The following DOK6 variants were observed in gnomAD, a reference collection of about 807,000 sequenced individuals.
DOK6 encodes the protein docking protein 6.
A neutral mutation model predicts 44.0 loss-of-function variants in DOK6; 22 were observed. The observed-to-expected ratio is 0.50, with a 90% CI of 0.36 to 0.71. DOK6 has a LOEUF of 0.71. Ranked by LOEUF, DOK6 falls within the 30% of genes least tolerant of loss-of-function variation. The probability of loss-of-function intolerance (pLI) is 0.00; values close to 1 mark genes in which losing one functional copy is unlikely to be tolerated. For synonymous variants in DOK6, 166 were observed against 145.5 expected (o/e 1.14, Z -1.01); for missense variants, 340 against 416.4 (o/e 0.82, Z 1.60).
chr18:69,812,375 A>G lies in DOK6; in HGVS notation c.857-28869A>G, dbSNP rs143052637. Among the ~76,000 whole-genome samples the G allele has an allele frequency of 3.1e-3, 469 of 152,256 alleles. 6 individuals are homozygous for G. The highest frequency in any genetic ancestry group is 6.7e-3 in the Admixed American group (103 of 15,276). ...ACACCCTTTTCTGTGATAATAAATT[A>G]TATCATTTTTCATATATTTTTGAAA... On this transcript the variant is annotated intron_variant, in intron 7 of 7. Transcript: ENST00000382713.
chr18:69,667,285 A>G (rs1021174191), intron 3 of DOK6, among the ~76,000 whole-genome samples: 1 of 152,140 alleles, frequency 6.6e-6, no homozygotes, highest in Admixed American at 6.5e-5. Context: ...TGTGCCAGAT[A>G]TTTCTCTTCT....
intron 1 of DOK6, among the ~76,000 whole-genome samples, chr18:69,552,925 A>G (rs1982600946): frequency 6.6e-6 from 1 of 152,252 alleles, no homozygotes; most frequent in Non-Finnish European, 1.5e-5. Flanking sequence ...ATGATGTGCT[A>G]ATTTTAGAAG....
intron 1 of DOK6, among the ~76,000 whole-genome samples, chr18:69,485,894 T>G (rs998102214): frequency 6.6e-6 from 1 of 151,426 alleles, no homozygotes; most frequent in African/African-American, 2.4e-5. Context: ...TGTGTGTGTG[T>G]GTGTGTGTGT....
In DOK6 at chr18:69,677,723, G is replaced by A. The variant is rs1258319374; in HGVS notation, c.290-11G>A. 1.2e-6 allele frequency: 2 copies of A among 1,612,912 alleles called. No homozygotes were observed. Among genetic ancestry groups the A allele is most frequent in the East Asian group, 2.2e-5 (1 of 44,818 alleles). On this transcript the variant is annotated splice_polypyrimidine_tract_variant and intron_variant, in intron 3 of 7. Coordinates refer to ENST00000382713, the MANE Select transcript of DOK6 (RefSeq NM_152721.6). ...GCATTGCTTGACTGGTGATGTTGTG[G>A]TTACTTTCAGAGCTGGAGGCCGAGG...
At chr18:69,419,198 C>A (rs1387830662) in intron 1 of DOK6, among the ~76,000 whole-genome samples, 1 of 152,116 alleles carries the variant, frequency 6.6e-6, no homozygotes, top group Non-Finnish European at 1.5e-5. Flanking sequence ...AGATAAAGTT[C>A]AATGCCTTTT....
rs563981076 is a variant in DOK6, at chr18:69,623,260, A to G, written c.289+23762A>G. 5.9e-5 allele frequency among the ~76,000 whole-genome samples: 9 copies of G among 152,264 alleles called. No individual in the cohort carries two copies. In the South Asian group the frequency reaches 1.9e-3, roughly 32 times the overall value. On this transcript the variant is annotated intron_variant, in intron 3 of 7. Transcript: ENST00000382713. ...AGCTTGTGTAGCTCACAGAACCATG[A>G]GCTGATTAAACCTCTTTTCTTTACA...
intron 3 of DOK6, among the ~76,000 whole-genome samples, chr18:69,614,890 G>A (rs1303526228): frequency 5.3e-5 from 8 of 151,470 alleles, no homozygotes; most frequent in South Asian, 2.1e-4. Flanking sequence ...TACCTTATTC[G>A]GAAATCCTTT....
At chr18:69,557,440 G>C (rs1042098906) in intron 1 of DOK6, among the ~76,000 whole-genome samples, 1 of 152,140 alleles carries the variant, frequency 6.6e-6, no homozygotes, top group Non-Finnish European at 1.5e-5. Flanking sequence ...GTCTTAAATG[G>C]AAACAGGATA....
At chr18:69,484,756 T>C (rs1301060494) in intron 1 of DOK6, among the ~76,000 whole-genome samples, 2 of 152,138 alleles carry the variant, frequency 1.3e-5, no homozygotes, top group East Asian at 3.9e-4. Flanking sequence ...TCATATTTTC[T>C]CCTTAAGGTG....
At chr18:69,782,869 C>T (rs541111912) in intron 7 of DOK6, among the ~76,000 whole-genome samples, 5 of 152,192 alleles carry the variant, frequency 3.3e-5, no homozygotes, top group Non-Finnish European at 7.3e-5. Flanking sequence ...TCCTACTATC[C>T]TCCCTGAAGT....
chr18:69,605,207 G>C (rs1983968982), intron 3 of DOK6, among the ~76,000 whole-genome samples: 1 of 151,208 alleles, frequency 6.6e-6, no homozygotes, highest in Non-Finnish European at 1.5e-5. Context: ...CATACAAAAT[G>C]ATAAAAAGTA....
At chr18:69,575,443 A>C (rs949057359) in intron 2 of DOK6, among the ~76,000 whole-genome samples, 1 of 152,150 alleles carries the variant, frequency 6.6e-6, no homozygotes. Flanking sequence ...GATCCATGCA[A>C]AATTAAACTT....
intron 2 of DOK6, among the ~76,000 whole-genome samples, chr18:69,581,914 A>C (rs1403280875): frequency 6.6e-6 from 1 of 152,228 alleles, no homozygotes; most frequent in Non-Finnish European, 1.5e-5. Context: ...CGAGGAAACA[A>C]GCCTGTGAGA....
chr18:69,693,978 G>T (rs1244181435), intron 4 of DOK6, among the ~76,000 whole-genome samples: 2 of 144,334 alleles, frequency 1.4e-5, no homozygotes, highest in East Asian at 4.3e-4. Flanking sequence ...AGAATGGCGT[G>T]AACCCGGGAG....
At chr18:69,811,702 A>G (rs1459237488) in intron 7 of DOK6, among the ~76,000 whole-genome samples, 2 of 151,840 alleles carry the variant, frequency 1.3e-5, no homozygotes, top group Non-Finnish European at 2.9e-5. Flanking sequence ...GGTAAATCCC[A>G]AGAATCTGTG....
intron 1 of DOK6, among the ~76,000 whole-genome samples, chr18:69,557,872 C>A (rs1684569941): frequency 6.6e-6 from 1 of 152,054 alleles, no homozygotes; most frequent in African/African-American, 2.4e-5. Flanking sequence ...TGTTAACCAG[C>A]CAATGGTCTC....
chr18:69,785,816 CT>C (rs1568125961), intron 7 of DOK6, among the ~76,000 whole-genome samples: 1 of 151,982 alleles, frequency 6.6e-6, no homozygotes, highest in South Asian at 2.1e-4. Flanking sequence ...TACCATAATA[CT>C]TTGTGGAAAG....
Position 69,435,073 on chromosome 18 carries a change from AGG to A in DOK6, c.66+33764_66+33765del, listed in dbSNP as rs1491466896. On this transcript the variant is annotated intron_variant, in intron 1 of 7. Coordinates refer to ENST00000382713, the MANE Select transcript of DOK6 (RefSeq NM_152721.6). ...AAGGAAGGAAGGAAGGAAGGAAGGA[AGG>A]AAGGAAGGAAGGAAGGAAAGAAGGA... 1.1e-3 allele frequency among the ~76,000 whole-genome samples: 161 copies of A among 149,814 alleles called. 2 individuals carry two copies. The highest frequency in any genetic ancestry group is 3.8e-3 in the African/African-American group (152 of 39,956).
At chr18:69,557,403 A>G (rs140091138) in intron 1 of DOK6, among the ~76,000 whole-genome samples, 1 of 152,336 alleles carries the variant, frequency 6.6e-6, no homozygotes, top group African/African-American at 2.4e-5. Flanking sequence ...ACTGAAGCCA[A>G]GAAATCTGCC....
Sources: gnomAD v4.1 joint callset for allele counts (sites outside exome capture counted in the v4.1 genomes callset) on GRCh38, gnomAD v4.1.1 for gene constraint, MANE v1.5 for transcripts, NCBI Gene and HGNC (gene_info 2026-07-23, HGNC 2026-07-21) for gene names.